Variants in HLTF observed in about 807,000 individuals in gnomAD.
HLTF encodes DNA-dependent ATPase/E3 ubiquitin-protein ligase HLTF.
HLTF carries 127 observed loss-of-function variants against 129.4 expected under a neutral mutation model. The observed-to-expected ratio is 0.98, with a 90% CI of 0.85 to 1.14. The LOEUF is 1.14. Among genes scored for constraint, HLTF ranks in the 50% most tolerant of loss-of-function variants. The pLI is 0.00. For synonymous variants in HLTF, 332 were observed against 388.8 expected (o/e 0.85, Z 1.72); for missense variants, 1,139 against 1,187.1 (o/e 0.96, Z 0.60).
chr3:149,049,755 G>A (rs954488793), intron 15 of HLTF, among the ~76,000 whole-genome samples: 11 of 152,224 alleles, frequency 7.2e-5, no homozygotes, highest in Non-Finnish European at 5.9e-5. Flanking sequence ...CACTTTGGGA[G>A]GCCAAGGTGG....
At chr3:149,039,488 G>A (rs1715932278) in intron 22 of HLTF, 93 bp downstream of exon 22, 5 of 675,226 alleles carry the variant, frequency 7.4e-6, no homozygotes, top group Non-Finnish European at 1.2e-5. Context: ...GACTAAAACT[G>A]GCAAAACAAA....
chr3:149,072,054 A>G (rs1449747037), intron 5 of HLTF, among the ~76,000 whole-genome samples: 1 of 152,208 alleles, frequency 6.6e-6, no homozygotes, highest in African/African-American at 2.4e-5. Flanking sequence ...CCCTGTCCCA[A>G]AAAATTAAGA....
intron 18 of HLTF, among the ~76,000 whole-genome samples, chr3:149,044,395 T>A (rs1038037540): frequency 6.6e-6 from 1 of 152,190 alleles, no homozygotes; most frequent in Non-Finnish European, 1.5e-5. Flanking sequence ...ATCTTACTGA[T>A]ACTCAGCATT....
rs1311131633 is a variant in HLTF, at chr3:149,055,372, T to C, written c.1404A>G (p.Lys468=). Residue 468 remains lysine (K), a synonymous_variant, in exon 14 of 25, where the codon AAA becomes AAG. Transcript: ENST00000310053. ...KGACAVEGSK[K]TDVEERPRTT... Reference sequence around the variant, plus strand: ...TTCTTGGTCTCTCCTCAACATCAGTTTTCTTTGACCCCTCCACTGCACAAG... The same window carrying C: ...TTCTTGGTCTCTCCTCAACATCAGTCTTCTTTGACCCCTCCACTGCACAAG... 3.7e-6 allele frequency: 6 copies of C among 1,613,722 alleles called. No individual in the cohort carries two copies. The highest frequency in any genetic ancestry group is 5.1e-6 in the Non-Finnish European group (6 of 1,179,792).
intron 2 of HLTF, among the ~76,000 whole-genome samples, chr3:149,079,777 G>C (rs1719718576): frequency 6.6e-6 from 1 of 152,036 alleles, no homozygotes; most frequent in African/African-American, 2.4e-5. Context: ...ATTTTTAGTA[G>C]AGATGGGGTT....
rs769657734 is a variant in HLTF, at chr3:149,042,195, G to T, written c.2168C>A (p.Thr723Lys). 1 of 1,613,170 alleles carries T rather than the reference G, an allele frequency of 6.2e-7. No homozygotes were observed. The highest frequency in any genetic ancestry group is 8.5e-7 in the Non-Finnish European group (1 of 1,179,264). ...GGGGCCATTGGAAGACACTGCATTT[G>T]TAAGAAGGTAAGTATGGCAACAAAT... The part of the protein sequence containing the change: ...RQICCHTYLL[T>K]NAVSSNGPSG... Residue 723 changes from threonine (T) to lysine (K), a missense_variant, in exon 19 of 25, where the codon ACA (threonine) becomes AAA (lysine). By Grantham distance (78) the Thr-to-Lys change is moderately conservative. Transcript: ENST00000310053.
At chr3:149,060,236 A>G (rs1453729474) in intron 12 of HLTF, among the ~76,000 whole-genome samples, 1 of 152,174 alleles carries the variant, frequency 6.6e-6, no homozygotes, top group Middle Eastern at 3.2e-3. Flanking sequence ...AGGAAAATAA[A>G]ACATATTTTA....
intron 10 of HLTF, 142 bp from the exon 11 acceptor site, chr3:149,061,000 A>C (rs1717895705): frequency 1.6e-6 from 1 of 625,566 alleles, no homozygotes; most frequent in South Asian, 2.0e-5. Context: ...TTGACAAATG[A>C]AAGTCAGATC....
intron 24 of HLTF, among the ~76,000 whole-genome samples, chr3:149,033,637 T>C (rs1715325238): frequency 6.6e-6 from 1 of 151,936 alleles, no homozygotes; most frequent in East Asian, 1.9e-4. Context: ...TGACATTTCA[T>C]ACTAGTAGGG....
At chr3:149,059,875 C>T (rs1238460141) in intron 12 of HLTF, 68 bp from the exon 13 acceptor site, 41 of 907,264 alleles carry the variant, frequency 4.5e-5, no homozygotes, top group Non-Finnish European at 7.0e-5. Flanking sequence ...CAGGTACTTT[C>T]TAAGGGTAAG....
At chr3:149,057,593 A>G (rs115376930) in intron 13 of HLTF, among the ~76,000 whole-genome samples, 1 of 152,186 alleles carries the variant, frequency 6.6e-6, no homozygotes, top group African/African-American at 2.4e-5. Flanking sequence ...TCCCTGACAA[A>G]TACTGAGGGA....
In HLTF at chr3:149,084,807, G is replaced by GA; in HGVS notation, c.102dup (p.Pro35SerfsTer4). The GA allele has an allele frequency of 6.2e-7, 1 of 1,614,016 alleles. No homozygotes were observed. The highest frequency in any genetic ancestry group is 8.5e-7 in the Non-Finnish European group (1 of 1,179,912). On this transcript the variant is annotated frameshift_variant, in exon 2 of 25. Transcript: ENST00000310053. LOFTEE classifies it high-confidence loss of function. The stretch of plus-strand genomic sequence containing the variant: ...ATAACATCTTGGAATTCAAAACGTG[G>GA]AAAGAAAGTTGGATATGAGAGGCGT...
intron 9 of HLTF, among the ~76,000 whole-genome samples, chr3:149,064,520 C>T (rs1365107892): frequency 1.3e-5 from 2 of 152,062 alleles, no homozygotes; most frequent in East Asian, 3.9e-4. Context: ...TTTTAAAGTA[C>T]CCTTTCATGA....
intron 13 of HLTF, among the ~76,000 whole-genome samples, chr3:149,056,105 C>G (rs375619984): frequency 6.6e-6 from 1 of 152,156 alleles, no homozygotes; most frequent in African/African-American, 2.4e-5. Context: ...GTTCAGATGA[C>G]GGCGGCCCCT....
At position 149,060,809 on chromosome 3, in the gene HLTF, C is replaced by A. The variant is rs1428900559; in HGVS notation, c.1210G>T (p.Glu404Ter). 6.2e-7 allele frequency: 1 copy of A among 1,613,484 alleles called. No individual in the cohort carries two copies. Among genetic ancestry groups the A allele is most frequent in the Non-Finnish European group, 8.5e-7 (1 of 1,179,664 alleles). ...ATTTTCTGCGGCAATTCACTTGTTT[C>A]AATTTCCTCTGAATCACTGCTTTCT... Reference protein sequence around the residue: ...YIESSDSEEIETSELPQKMKG... With the variant: ...YIESSDSEEI Residue 404 changes from glutamate (E) to a stop codon, truncating the protein, a stop_gained, in exon 11 of 25, where the codon GAA becomes TAA. Coordinates refer to ENST00000310053, the MANE Select transcript of HLTF (RefSeq NM_003071.4). LOFTEE classifies it high-confidence loss of function.
intron 13 of HLTF, among the ~76,000 whole-genome samples, chr3:149,057,546 G>A (rs1026646951): frequency 1.3e-5 from 2 of 152,164 alleles, no homozygotes; most frequent in African/African-American, 4.8e-5. Flanking sequence ...TTGAGTATGC[G>A]CACATTTTGG....
At chr3:149,046,968 C>CTA (rs1221342845) in intron 17 of HLTF, among the ~76,000 whole-genome samples, 4 of 152,164 alleles carry the variant, frequency 2.6e-5, no homozygotes, top group African/African-American at 9.6e-5. Context: ...AGCTTTCTCA[C>CTA]TATAACTCAC....
Position 149,032,129 on chromosome 3 carries a change from G to T in HLTF, c.*91C>A. The stretch of plus-strand genomic sequence containing the variant: ...AAAATATGCCCCTTTTAGAAGACGT[G>T]TTCTCTAGATCTCATTTCTAAAACT... On this transcript the variant is annotated 3_prime_UTR_variant, in exon 25 of 25. Coordinates refer to ENST00000310053, the MANE Select transcript of HLTF (RefSeq NM_003071.4). 1.0e-6 allele frequency: 1 copy of T among 964,108 alleles called. No individual in the cohort carries two copies. Among genetic ancestry groups the T allele is most frequent in the Non-Finnish European group, 1.5e-6 (1 of 673,344 alleles). The allele number at this position is 964,108 out of a possible 1,614,324, so 59.7% of individuals were successfully genotyped here. A position where few individuals can be genotyped will look rare whatever the true frequency, so the allele number is the denominator to read the frequency against.
intron 14 of HLTF, among the ~76,000 whole-genome samples, chr3:149,052,457 C>T (rs1419561968): frequency 6.6e-6 from 1 of 152,000 alleles, no homozygotes; most frequent in African/African-American, 2.4e-5. Flanking sequence ...TATCTTCATT[C>T]CAGTTCTTTA....
Sources: allele counts gnomAD v4.1 joint callset (sites outside exome capture counted in the v4.1 genomes callset), GRCh38; gene constraint gnomAD v4.1.1; transcripts MANE v1.5; gene names NCBI Gene and HGNC (gene_info 2026-07-23, HGNC 2026-07-21).